COX7B2: variants seen among roughly 807,000 people sequenced by gnomAD.
COX7B2 encodes cytochrome c oxidase subunit 7B2, also known as cytochrome c oxidase subunit 7B2, mitochondrial.
For synonymous variants in COX7B2, 37 were observed against 32.1 expected (o/e 1.15, Z -0.51); for missense variants, 109 against 95.9 (o/e 1.14, Z -0.57).
At chr4:46,835,401 G>A (rs1715445468) in intron 2 of COX7B2, among the ~76,000 whole-genome samples, 1 of 151,780 alleles carries the variant, frequency 6.6e-6, no homozygotes. Flanking sequence ...AAAAAAAAAT[G>A]CAGTAACTGT....
At chr4:46,753,565 A>G (rs1340979987) in intron 2 of COX7B2, among the ~76,000 whole-genome samples, 1 of 151,886 alleles carries the variant, frequency 6.6e-6, no homozygotes, top group Non-Finnish European at 1.5e-5. Context: ...AATTAATTCA[A>G]GATGGATTAA....
intron 2 of COX7B2, among the ~76,000 whole-genome samples, chr4:46,796,248 G>T (rs1718331936): frequency 6.7e-6 from 1 of 148,244 alleles, no homozygotes; most frequent in Non-Finnish European, 1.5e-5. Flanking sequence ...TTGAATAGGA[G>T]CGGTGAGAGA....
chr4:46,834,334 G>A (rs1407479887), intron 2 of COX7B2, among the ~76,000 whole-genome samples: 1 of 151,798 alleles, frequency 6.6e-6, no homozygotes, highest in Non-Finnish European at 1.5e-5. Context: ...GACAAGAAAA[G>A]AAACACAAAA....
At chr4:46,874,081 C>G (rs1400299355) in intron 1 of COX7B2, among the ~76,000 whole-genome samples, 2 of 152,076 alleles carry the variant, frequency 1.3e-5, no homozygotes, top group African/African-American at 4.8e-5. Context: ...TTATAATTCT[C>G]TTTGTATCTT....
At chr4:46,900,498 G>A (rs1720014797) in intron 1 of COX7B2, among the ~76,000 whole-genome samples, 2 of 152,132 alleles carry the variant, frequency 1.3e-5, no homozygotes, top group African/African-American at 4.8e-5. Context: ...TGGTGGCAGG[G>A]GAGGAGGGGG....
At chr4:46,768,004 C>A (rs1044654444) in intron 2 of COX7B2, among the ~76,000 whole-genome samples, 1 of 152,352 alleles carries the variant, frequency 6.6e-6, no homozygotes, top group East Asian at 1.9e-4. Context: ...GGAACGAACC[C>A]TGTACAGGCC....
intron 1 of COX7B2, among the ~76,000 whole-genome samples, chr4:46,908,451 T>C (rs1038456109): frequency 2.8e-4 from 43 of 152,250 alleles, no homozygotes; most frequent in Non-Finnish European, 4.4e-4. Flanking sequence ...GCCCAAGGTA[T>C]GCAAACCTGC....
intron 2 of COX7B2, among the ~76,000 whole-genome samples, chr4:46,763,250 A>C (rs1472895607): frequency 7.0e-6 from 1 of 141,904 alleles, no homozygotes; most frequent in African/African-American, 2.6e-5. Context: ...ATACATATAT[A>C]TACACACACA....
intron 1 of COX7B2, among the ~76,000 whole-genome samples, chr4:46,886,961 A>G (rs548836074): frequency 2.0e-5 from 3 of 152,376 alleles, no homozygotes; most frequent in Admixed American, 6.5e-5. Context: ...AATCGCAGAC[A>G]TATTTTAAAC....
At chr4:46,806,736 G>T (rs1719019740) in intron 2 of COX7B2, among the ~76,000 whole-genome samples, 1 of 151,748 alleles carries the variant, frequency 6.6e-6, no homozygotes, top group South Asian at 2.1e-4. Flanking sequence ...TTTTATCTCT[G>T]TGAATTGAGT....
intron 2 of COX7B2, among the ~76,000 whole-genome samples, chr4:46,836,890 T>G (rs367920797): frequency 1.3e-5 from 2 of 152,128 alleles, no homozygotes; most frequent in African/African-American, 2.4e-5. Context: ...TATAAACTCA[T>G]GCGATCACTG....
At chr4:46,753,338 A>G (rs1412659329) in intron 2 of COX7B2, among the ~76,000 whole-genome samples, 4 of 151,962 alleles carry the variant, frequency 2.6e-5, no homozygotes, top group African/African-American at 9.7e-5. Context: ...CTAGTGGTCT[A>G]TCAATTTTGT....
chr4:46,796,013 G>C (rs1359919359), intron 2 of COX7B2, among the ~76,000 whole-genome samples: 1 of 82,290 alleles, frequency 1.2e-5, no homozygotes, highest in Non-Finnish European at 2.3e-5. Flanking sequence ...TCTGTTGTTG[G>C]TGTATAAGAA....
chr4:46,799,307 A>G (rs1277386948), intron 2 of COX7B2, among the ~76,000 whole-genome samples: 1 of 152,146 alleles, frequency 6.6e-6, no homozygotes, highest in African/African-American at 2.4e-5. Flanking sequence ...TCATCTGTGA[A>G]GAGAGATAGT....
chr4:46,829,781 A>G (rs1030965585), intron 2 of COX7B2, among the ~76,000 whole-genome samples: 7 of 152,216 alleles, frequency 4.6e-5, no homozygotes, highest in Non-Finnish European at 1.0e-4. Context: ...TGTTTACACA[A>G]TATATTATAC....
intron 1 of COX7B2, among the ~76,000 whole-genome samples, chr4:46,871,716 C>A (rs1043525455): frequency 1.3e-5 from 2 of 149,816 alleles, no homozygotes; most frequent in Non-Finnish European, 3.0e-5. Flanking sequence ...TGTGGCCAAA[C>A]AACCATATGA....
intron 2 of COX7B2, among the ~76,000 whole-genome samples, chr4:46,812,639 A>C (rs1480923808): frequency 2.6e-5 from 4 of 152,114 alleles, no homozygotes; most frequent in Non-Finnish European, 5.9e-5. Context: ...CTTCCAGAAG[A>C]GGGGGGATGT....
chr4:46,819,155 A>G (rs1560400954), intron 2 of COX7B2, among the ~76,000 whole-genome samples: 1 of 152,176 alleles, frequency 6.6e-6, no homozygotes, highest in Non-Finnish European at 1.5e-5. Flanking sequence ...TGCATAATAG[A>G]GATTATTAAA....
chr4:46,883,553 C>T (rs1718883119), intron 1 of COX7B2, among the ~76,000 whole-genome samples: 1 of 151,866 alleles, frequency 6.6e-6, no homozygotes, highest in African/African-American at 2.4e-5. Context: ...CTGGGCAACA[C>T]GGTAAAACCC....
Sources: allele counts gnomAD v4.1 joint callset (sites outside exome capture counted in the v4.1 genomes callset), GRCh38; gene constraint gnomAD v4.1.1; transcripts MANE v1.5; gene names NCBI Gene and HGNC (gene_info 2026-07-23, HGNC 2026-07-21).